The following SEMA6A variants were observed in gnomAD, a reference collection of about 807,000 sequenced individuals.
SEMA6A encodes semaphorin 6A.
In SEMA6A, 25 loss-of-function variants were observed where a neutral mutation model predicts 96.8. The ratio of observed to expected loss-of-function variants is 0.26; its 90% CI spans 0.19 to 0.36. The LOEUF is 0.36. Among genes scored for constraint, SEMA6A ranks in the 10% least tolerant of loss-of-function variants. The probability of loss-of-function intolerance (pLI) is 1.00; values close to 1 mark genes in which losing one functional copy is unlikely to be tolerated. For missense variants in SEMA6A, 1,363 were observed against 1,323.1 expected (o/e 1.03, Z -0.47); for synonymous variants, 612 against 518.0 (o/e 1.18, Z -2.46).
intron 18 of SEMA6A, among the ~76,000 whole-genome samples, chr5:116,455,656 A>G (rs1411180399): frequency 6.6e-6 from 1 of 152,214 alleles, no homozygotes; most frequent in African/African-American, 2.4e-5. Context: ...AATTTTCTCT[A>G]TAAAGCAAAG....
chr5:116,467,242 T>C (rs1357678327), intron 18 of SEMA6A, among the ~76,000 whole-genome samples: 1 of 152,096 alleles, frequency 6.6e-6, no homozygotes, highest in African/African-American at 2.4e-5. Flanking sequence ...CATCACATTA[T>C]GGTGGGAAAA....
chr5:116,544,199 G>A (rs1760091132), intron 1 of SEMA6A, among the ~76,000 whole-genome samples: 1 of 152,150 alleles, frequency 6.6e-6, no homozygotes, highest in Non-Finnish European at 1.5e-5. Context: ...GGTGGATGCA[G>A]CACTGCTTGG....
intron 1 of SEMA6A, among the ~76,000 whole-genome samples, chr5:116,516,141 AAAAAT>A (rs1758656792): frequency 6.6e-6 from 1 of 152,212 alleles, no homozygotes; most frequent in Non-Finnish European, 1.5e-5. Context: ...CCTGAAAGCC[AAAAAT>A]AGAGTTTCTA....
chr5:116,551,656 T>C (rs186967648), intron 1 of SEMA6A, among the ~76,000 whole-genome samples: 2 of 152,274 alleles, frequency 1.3e-5, no homozygotes, highest in Admixed American at 1.3e-4. Context: ...GTCAGTGACA[T>C]GCAGTCTCTT....
Position 116,446,915 on chromosome 5 carries a change from C to G in SEMA6A, c.2791G>C (p.Ala931Pro), listed in dbSNP as rs199858026. The part of the protein sequence containing the change: ...PTNSLTRSHQ[A>P]TTLKRNNTNS... The stretch of plus-strand genomic sequence containing the variant: ...GTGTTGTTTCTTTTGAGAGTGGTGG[C>G]CTGGTGGCTTCTCGTGAGCGAGTTC... The change falls in exon 19 of 19, where the codon GCC becomes CCC. Residue 931 changes from alanine to proline, a missense_variant. Ala to Pro is a conservative substitution (Grantham distance 27, BLOSUM62 -1). Coordinates refer to ENST00000343348, the MANE Select transcript of SEMA6A (RefSeq NM_020796.5). The G allele has an allele frequency of 3.3e-3, 5,394 of 1,613,964 alleles. 8 individuals are homozygous for G. Among genetic ancestry groups the G allele is most frequent in the Non-Finnish European group, 4.3e-3 (5,068 of 1,179,888 alleles).
chr5:116,486,815 A>G lies in SEMA6A; in HGVS notation c.896T>C (p.Val299Ala), dbSNP rs768260490. The change falls in exon 10 of 19, where the codon GTT becomes GCT. Residue 299 changes from valine to alanine, a missense_variant. Physicochemically the swap from Val to Ala is moderately conservative, Grantham distance 64. Around this residue, in one of 2 missense-constraint regions of SEMA6A, gnomAD observed 480 missense variants for 559.5 expected, o/e 0.86. Coordinates refer to ENST00000343348, the MANE Select transcript of SEMA6A (RefSeq NM_020796.5). ...CCCGTTGATACGAATCACATCTGTA[A>G]CTGCCTGGAGAATGTTGAAATAAAA... ...SHFYFNILQA[V>A]TDVIRINGRD... 1.1e-5 allele frequency: 17 copies of G among 1,613,794 alleles called. No homozygotes were observed. In the Admixed American group the frequency reaches 1.5e-4, roughly 14 times the overall value.
chr5:116,506,245 A>G (rs1456447375), intron 1 of SEMA6A, among the ~76,000 whole-genome samples: 1 of 152,234 alleles, frequency 6.6e-6, no homozygotes, highest in Non-Finnish European at 1.5e-5. Flanking sequence ...ACTGTAACTT[A>G]TAATTTCACA....
intron 1 of SEMA6A, among the ~76,000 whole-genome samples, chr5:116,524,743 A>G (rs1220443358): frequency 5.7e-5 from 3 of 52,998 alleles, no homozygotes; most frequent in Non-Finnish European, 1.6e-4. Context: ...CCTCCTATAG[A>G]ATGTGTGTAT....
At chr5:116,508,297 T>A (rs187502419) in intron 1 of SEMA6A, 26 of 152,342 alleles carry the variant, frequency 1.7e-4, no homozygotes, top group African/African-American at 6.3e-4. Context: ...TGCGCACCCT[T>A]ACCTCCCACA....
rs565240542 is a variant in SEMA6A, at chr5:116,574,822, C to G, written c.-676G>C. On this transcript the variant is annotated 5_prime_UTR_variant, in exon 1 of 19. Coordinates refer to ENST00000343348, the MANE Select transcript of SEMA6A (RefSeq NM_020796.5). ...TCACCCCGTGCCGCTCACTACTCCT[C>G]TGTCACCGGAGAGGCCGCCGCTCCC... 2.2e-4 allele frequency: 34 copies of G among 152,490 alleles called. No homozygotes were observed. Among genetic ancestry groups the G allele is most frequent in the African/African-American group, 7.2e-4 (30 of 41,594 alleles). The allele number at this position is 152,490 out of a possible 1,614,324, so 9.4% of individuals were successfully genotyped here.
chr5:116,517,620 C>G (rs1758732755), intron 1 of SEMA6A, among the ~76,000 whole-genome samples: 1 of 152,158 alleles, frequency 6.6e-6, no homozygotes, highest in African/African-American at 2.4e-5. Flanking sequence ...AGGCCCCTCT[C>G]CAGACAAAGG....
intron 17 of SEMA6A, 149 bp from the exon 18 acceptor site, chr5:116,467,896 TGG>T (rs991092002): frequency 3.2e-6 from 2 of 615,990 alleles, no homozygotes; most frequent in African/African-American, 1.9e-5. Context: ...GTGGTGGTGG[TGG>T]TGGTGGTGGT....
chr5:116,543,895 C>A (rs1760079568), intron 1 of SEMA6A, among the ~76,000 whole-genome samples: 1 of 152,210 alleles, frequency 6.6e-6, no homozygotes, highest in Non-Finnish European at 1.5e-5. Context: ...CAGGCTCTCT[C>A]TTCTCTACTT....
chr5:116,478,293 C>T (rs545992316), intron 13 of SEMA6A, 139 bp from the exon 14 acceptor site: 1 of 992,870 alleles, frequency 1.0e-6, no homozygotes, highest in Non-Finnish European at 1.5e-6. Context: ...TCTGCTCTTG[C>T]ACACACGTAA....
chr5:116,534,674 G>T (rs73780328), intron 1 of SEMA6A, among the ~76,000 whole-genome samples: 14,025 of 152,228 alleles, frequency 0.092, 1,172 homozygotes, highest in African/African-American at 0.23. Context: ...CTAGTGACCA[G>T]AAGCTGTAGT....
At chr5:116,571,215 TC>T (rs1482329741) in intron 1 of SEMA6A, among the ~76,000 whole-genome samples, 1 of 152,218 alleles carries the variant, frequency 6.6e-6, no homozygotes, top group East Asian at 1.9e-4. Flanking sequence ...ACTTGAGTGT[TC>T]TATACTGGTT....
At chr5:116,495,342 T>C in intron 6 of SEMA6A, 71 bp downstream of exon 6, 2 of 1,119,208 alleles carry the variant, frequency 1.8e-6, no homozygotes, top group South Asian at 2.6e-5. Context: ...CTTAGGTTGC[T>C]GCAGGTACAA....
intron 18 of SEMA6A, among the ~76,000 whole-genome samples, chr5:116,466,092 C>T (rs1052818480): frequency 1.4e-5 from 2 of 138,560 alleles, no homozygotes; most frequent in Non-Finnish European, 3.3e-5. Context: ...AAGATTTGGC[C>T]GGGAGCAGCA....
At chr5:116,493,867 T>C (rs1467768965) in intron 6 of SEMA6A, among the ~76,000 whole-genome samples, 1 of 152,194 alleles carries the variant, frequency 6.6e-6, no homozygotes, top group African/African-American at 2.4e-5. Context: ...GCTAGATAGC[T>C]CTATTCATGT....
Sources: allele counts gnomAD v4.1 joint callset (sites outside exome capture counted in the v4.1 genomes callset), GRCh38; gene constraint gnomAD v4.1.1; regional missense constraint gnomAD v4.1.1; transcripts MANE v1.5; gene names NCBI Gene and HGNC (gene_info 2026-07-23, HGNC 2026-07-21).